The following CSMD1 variants were observed in gnomAD, a reference collection of about 807,000 sequenced individuals.
CSMD1 encodes the protein CUB and Sushi multiple domains 1, also known as CUB and sushi domain-containing protein 1.
In CSMD1, 213 loss-of-function variants were observed where a neutral mutation model predicts 417.5. The ratio of observed to expected loss-of-function variants is 0.51; its 90% CI spans 0.46 to 0.57. CSMD1 has a LOEUF of 0.57. Ranked by LOEUF, CSMD1 falls within the 20% of genes least tolerant of loss-of-function variation. CSMD1 has a pLI of 0.00. For synonymous variants in CSMD1, 2,862 were observed against 1,736.8 expected (o/e 1.65, Z -16.11); for missense variants, 6,923 against 4,529.7 (o/e 1.53, Z -15.17).
intron 43 of CSMD1, 134 bp downstream of exon 43, chr8:3,110,024 T>A: frequency 1.4e-6 from 1 of 731,280 alleles, no homozygotes; most frequent in Non-Finnish European, 2.1e-6. Flanking sequence ...TCTCTGGATT[T>A]CGTTGGTGAA....
chr8:3,085,810 T>C (rs976377941), intron 49 of CSMD1, among the ~76,000 whole-genome samples: 7 of 152,122 alleles, frequency 4.6e-5, no homozygotes, highest in African/African-American at 1.7e-4. Flanking sequence ...TGCATATCCA[T>C]CAGAAAGATG....
At chr8:4,759,847 A>G (rs1001774466) in intron 1 of CSMD1, among the ~76,000 whole-genome samples, 9 of 152,158 alleles carry the variant, frequency 5.9e-5, no homozygotes, top group Non-Finnish European at 1.0e-4. Context: ...TGTGTTTGCT[A>G]TTGTGAATAG....
chr8:4,868,290 G>C (rs1054873538), intron 1 of CSMD1, among the ~76,000 whole-genome samples: 15 of 152,086 alleles, frequency 9.9e-5, no homozygotes, highest in Non-Finnish European at 2.9e-5. Flanking sequence ...CTGGAGAGCA[G>C]TGGCGCGATC....
At chr8:4,725,426 G>A (rs184848423) in intron 1 of CSMD1, among the ~76,000 whole-genome samples, 5 of 152,274 alleles carry the variant, frequency 3.3e-5, no homozygotes, top group Admixed American at 1.3e-4. Context: ...GATTATTTAT[G>A]GTTGTTGTTC....
chr8:4,525,995 A>T (rs1440181540), intron 2 of CSMD1, among the ~76,000 whole-genome samples: 1 of 152,112 alleles, frequency 6.6e-6, no homozygotes, highest in Non-Finnish European at 1.5e-5. Context: ...TCCAGAAAAC[A>T]GTGGGGAGCT....
intron 3 of CSMD1, among the ~76,000 whole-genome samples, chr8:4,177,299 T>G (rs944393404): frequency 1.3e-5 from 2 of 151,958 alleles, no homozygotes; most frequent in East Asian, 1.9e-4. Flanking sequence ...CTCAACTACA[T>G]GGAAACTGAA....
At chr8:3,681,706 G>C (rs1049358077) in intron 7 of CSMD1, among the ~76,000 whole-genome samples, 19 of 152,020 alleles carry the variant, frequency 1.2e-4, no homozygotes, top group Non-Finnish European at 1.8e-4. Flanking sequence ...AGTTCATGTG[G>C]AACCAAAAAA....
intron 3 of CSMD1, among the ~76,000 whole-genome samples, chr8:4,121,420 C>G (rs1802481318): frequency 6.6e-6 from 1 of 152,124 alleles, no homozygotes; most frequent in African/African-American, 2.4e-5. Context: ...TTTTTCATTA[C>G]AGAATTCACA....
At chr8:4,295,035 A>C (rs1178005289) in intron 3 of CSMD1, among the ~76,000 whole-genome samples, 3 of 148,452 alleles carry the variant, frequency 2.0e-5, no homozygotes, top group South Asian at 2.1e-4. Context: ...TACATATAAT[A>C]TATGTATATA....
chr8:3,823,598 A>T (rs1277168458), intron 5 of CSMD1, among the ~76,000 whole-genome samples: 1 of 152,202 alleles, frequency 6.6e-6, no homozygotes, highest in Non-Finnish European at 1.5e-5. Flanking sequence ...TGAACCATTC[A>T]ACTTATGCTT....
At chr8:3,886,782 C>T (rs1240611294) in intron 5 of CSMD1, among the ~76,000 whole-genome samples, 1 of 152,134 alleles carries the variant, frequency 6.6e-6, no homozygotes, top group African/African-American at 2.4e-5. Context: ...GACAGATATA[C>T]TGCCAAAGAT....
At chr8:4,592,322 A>T (rs1290908753) in intron 2 of CSMD1, among the ~76,000 whole-genome samples, 1 of 151,680 alleles carries the variant, frequency 6.6e-6, no homozygotes, top group Admixed American at 6.6e-5. Context: ...AATGCTTTTA[A>T]ATTATTCCAT....
In CSMD1 at chr8:3,374,880, G is replaced by A. The variant is rs191178628; in HGVS notation, c.2783-5510C>T. Among the ~76,000 whole-genome samples, 151 of 152,256 alleles carry A rather than the reference G, an allele frequency of 9.9e-4. No homozygotes were observed. In the Middle Eastern group the frequency reaches 0.01, roughly 10 times the overall value. Reference sequence around the variant, plus strand: ...ACCCTGCCAAAGTCTTCTAATAAATGGAAGTTTGCAGAGTCAGTTATTGTT... The same window carrying A: ...ACCCTGCCAAAGTCTTCTAATAAATAGAAGTTTGCAGAGTCAGTTATTGTT... On this transcript the variant is annotated intron_variant, in intron 18 of 69. Coordinates refer to ENST00000635120, the MANE Select transcript of CSMD1 (RefSeq NM_033225.6).
intron 1 of CSMD1, among the ~76,000 whole-genome samples, chr8:4,805,278 A>G (rs924668627): frequency 7.2e-5 from 11 of 152,332 alleles, no homozygotes; most frequent in Middle Eastern, 3.4e-3. Context: ...TGTATTTAGT[A>G]TATCTTTTTA....
chr8:4,460,721 C>G (rs527290318), intron 2 of CSMD1, among the ~76,000 whole-genome samples: 35 of 152,006 alleles, frequency 2.3e-4, no homozygotes, highest in Non-Finnish European at 3.7e-4. Flanking sequence ...TACAAAAATA[C>G]AAATTACCCA....
chr8:4,011,845 T>C (rs567400919), intron 4 of CSMD1, among the ~76,000 whole-genome samples: 10 of 152,158 alleles, frequency 6.6e-5, no homozygotes, highest in African/African-American at 9.7e-5. Flanking sequence ...TTGGTATCCA[T>C]TGGGAATTGG....
At chr8:4,307,284 A>T (rs1798300685) in intron 3 of CSMD1, among the ~76,000 whole-genome samples, 1 of 151,992 alleles carries the variant, frequency 6.6e-6, no homozygotes, top group East Asian at 1.9e-4. Context: ...TATCTCTCAC[A>T]TATATATATT....
chr8:3,308,601 G>C (rs867982295), intron 23 of CSMD1, 98 bp from the exon 24 acceptor site: 4 of 903,494 alleles, frequency 4.4e-6, no homozygotes, highest in South Asian at 3.6e-5. Context: ...GCTCCTTGAA[G>C]GGTAGGGAGA....
intron 25 of CSMD1, among the ~76,000 whole-genome samples, chr8:3,303,688 C>T (rs1476180069): frequency 2.0e-5 from 3 of 152,132 alleles, no homozygotes; most frequent in Non-Finnish European, 4.4e-5. Context: ...TTTAATGTTG[C>T]TAGCTGAAGA....
Sources: gnomAD v4.1 joint callset for allele counts (sites outside exome capture counted in the v4.1 genomes callset) on GRCh38, gnomAD v4.1.1 for gene constraint, MANE v1.5 for transcripts, NCBI Gene and HGNC (gene_info 2026-07-23, HGNC 2026-07-21) for gene names.